Variants in AGBL1 observed in about 807,000 individuals in gnomAD.
AGBL1 encodes cytosolic carboxypeptidase 4.
A neutral mutation model predicts 118.9 loss-of-function variants in AGBL1; 130 were observed. The ratio of observed to expected loss-of-function variants is 1.09; its 90% CI spans 0.95 to 1.26. The LOEUF (loss-of-function observed/expected upper bound fraction) is 1.26. Ranked by LOEUF, AGBL1 falls within the 50% of genes most tolerant of loss-of-function variation. The pLI is 0.00. For missense variants in AGBL1, 1,584 were observed against 1,298.1 expected (o/e 1.22, Z -3.38); for synonymous variants, 555 against 478.9 (o/e 1.16, Z -2.08).
chr15:86,232,383 A>G (rs1298637077), intron 6 of AGBL1, among the ~76,000 whole-genome samples: 5 of 152,074 alleles, frequency 3.3e-5, no homozygotes, highest in Admixed American at 1.3e-4. Flanking sequence ...CGCTAGTCCA[A>G]TATTTATTTT....
intron 17 of AGBL1, among the ~76,000 whole-genome samples, chr15:86,373,104 C>G (rs1283107643): frequency 6.6e-6 from 1 of 152,192 alleles, no homozygotes; most frequent in Non-Finnish European, 1.5e-5. Flanking sequence ...AAATAGCATG[C>G]AGCCTAATGG....
chr15:86,901,376 T>C (rs2080209820), intron 22 of AGBL1, among the ~76,000 whole-genome samples: 1 of 152,182 alleles, frequency 6.6e-6, no homozygotes, highest in African/African-American at 2.4e-5. Flanking sequence ...ATTTTTATCA[T>C]GGTGTGAGAT....
At chr15:86,103,289 A>G (rs1896841240) in intron 1 of AGBL1, among the ~76,000 whole-genome samples, 1 of 152,172 alleles carries the variant, frequency 6.6e-6, no homozygotes, top group Admixed American at 6.5e-5. Flanking sequence ...GTACATTTGA[A>G]AAATCACTGA....
At chr15:86,090,544 G>A (rs1369829872) in intron 1 of AGBL1, among the ~76,000 whole-genome samples, 1 of 152,042 alleles carries the variant, frequency 6.6e-6, no homozygotes, top group African/African-American at 2.4e-5. Context: ...CATTTTTCAT[G>A]CCAAGACATA....
intron 22 of AGBL1, among the ~76,000 whole-genome samples, chr15:86,709,521 C>T (rs1416970700): frequency 4.6e-5 from 7 of 152,134 alleles, no homozygotes; most frequent in Admixed American, 4.6e-4. Context: ...ATTTTCCTTT[C>T]TGTATTTCAT....
intron 17 of AGBL1, among the ~76,000 whole-genome samples, chr15:86,351,049 G>T (rs1387415492): frequency 2.0e-5 from 3 of 152,216 alleles, no homozygotes; most frequent in African/African-American, 7.2e-5. Flanking sequence ...TAAGCACTTT[G>T]TGCATAGTTA....
intron 22 of AGBL1, among the ~76,000 whole-genome samples, chr15:86,765,574 G>A (rs187649154): frequency 4.9e-4 from 74 of 152,082 alleles, no homozygotes; most frequent in African/African-American, 1.7e-3. Flanking sequence ...ACATGGTAGG[G>A]ACAGCATTTA....
intron 23 of AGBL1, among the ~76,000 whole-genome samples, chr15:86,934,767 G>A (rs1050471220): frequency 3.9e-5 from 6 of 152,058 alleles, no homozygotes; most frequent in African/African-American, 1.2e-4. Flanking sequence ...ATTTATTATT[G>A]TGGTTACTTC....
intron 22 of AGBL1, among the ~76,000 whole-genome samples, chr15:86,692,306 T>C (rs2086186066): frequency 6.6e-6 from 1 of 152,008 alleles, no homozygotes; most frequent in Non-Finnish European, 1.5e-5. Flanking sequence ...TTGAGGAAAC[T>C]TCAATGAAGG....
chr15:86,410,673 A>G (rs528739444), intron 18 of AGBL1, among the ~76,000 whole-genome samples: 54 of 150,268 alleles, frequency 3.6e-4, no homozygotes, highest in Non-Finnish European at 7.2e-4. Context: ...GTTCTTCTCA[A>G]TGGTAGGGCC....
At chr15:86,140,671 G>C (rs2076951217) in intron 1 of AGBL1, among the ~76,000 whole-genome samples, 1 of 152,110 alleles carries the variant, frequency 6.6e-6, no homozygotes, top group Admixed American at 6.6e-5. Context: ...CCCAGCTTGG[G>C]GGTTGGATGG....
chr15:86,148,079 G>C (rs80190720), intron 3 of AGBL1, among the ~76,000 whole-genome samples: 6 of 152,028 alleles, frequency 3.9e-5, no homozygotes, highest in Non-Finnish European at 8.8e-5. Flanking sequence ...GAAAGGAATA[G>C]CATTGATATC....
intron 18 of AGBL1, among the ~76,000 whole-genome samples, chr15:86,466,740 ACAGT>A (rs568351941): frequency 1.1e-3 from 162 of 152,252 alleles, no homozygotes; most frequent in African/African-American, 3.8e-3. Flanking sequence ...TTGTATTCTA[ACAGT>A]CAGGCCCTTC....
intron 22 of AGBL1, among the ~76,000 whole-genome samples, chr15:86,767,964 G>C (rs75301480): frequency 0.052 from 7,889 of 152,028 alleles, 296 homozygotes; most frequent in Middle Eastern, 0.078. Context: ...ACCGTGAGTT[G>C]AGTAGAATCA....
intron 5 of AGBL1, among the ~76,000 whole-genome samples, chr15:86,210,025 C>G (rs2078064540): frequency 6.6e-6 from 1 of 152,310 alleles, no homozygotes; most frequent in East Asian, 1.9e-4. Flanking sequence ...GACAAAATCT[C>G]TCAGCATTTA....
At chr15:86,136,127 G>T (rs1382304905) in intron 1 of AGBL1, among the ~76,000 whole-genome samples, 11 of 152,182 alleles carry the variant, frequency 7.2e-5, no homozygotes, top group Admixed American at 1.3e-4. Flanking sequence ...AGTGACCTCA[G>T]TTAATACCAT....
At chr15:86,483,520 G>T (rs532018033) in intron 18 of AGBL1, among the ~76,000 whole-genome samples, 14 of 152,188 alleles carry the variant, frequency 9.2e-5, no homozygotes, top group Middle Eastern at 3.4e-3. Context: ...CATATTCTGA[G>T]GTTTCTCTGC....
chr15:86,867,023 C>A (rs908383683), intron 22 of AGBL1, among the ~76,000 whole-genome samples: 1 of 152,126 alleles, frequency 6.6e-6, no homozygotes, highest in African/African-American at 2.4e-5. Context: ...TGGTGAGACA[C>A]TCCTAGGAGA....
Position 86,390,660 on chromosome 15 carries a change from A to ATTTTTTTTTTTTTT in AGBL1, c.2375-6693_2375-6680dup, listed in dbSNP as rs756052402. On this transcript the variant is annotated intron_variant, in intron 17 of 22. Transcript: ENST00000614907. ...AGGCAGAAAAGTTATATACTGTATGATTTTTTTTTTTTTTTTTTTTTTTTT... is the reference window on the plus strand; with the variant it reads ...AGGCAGAAAAGTTATATACTGTATGATTTTTTTTTTTTTTTTTTTTTTTTTTTTTTTTTTTTTTT... Among the ~76,000 whole-genome samples the ATTTTTTTTTTTTTT allele has an allele frequency of 1.4e-3, 108 of 75,460 alleles. 11 individuals are homozygous for ATTTTTTTTTTTTTT. The East Asian group carries it at 0.015, about 10-fold the overall frequency. The allele number at this position is 75,460 out of a possible 152,430, so 49.5% of individuals were successfully genotyped here.
Sources: allele counts gnomAD v4.1 joint callset (sites outside exome capture counted in the v4.1 genomes callset), GRCh38; gene constraint gnomAD v4.1.1; transcripts MANE v1.5; gene names NCBI Gene and HGNC (gene_info 2026-07-23, HGNC 2026-07-21).